The following CCSER1 variants were observed in gnomAD, a reference collection of about 807,000 sequenced individuals.
The protein encoded by CCSER1 is serine-rich coiled-coil domain-containing protein 1.
A neutral mutation model predicts 82.0 loss-of-function variants in CCSER1; 41 were observed. The observed-to-expected ratio is 0.50, with a 90% CI of 0.39 to 0.65. The LOEUF (loss-of-function observed/expected upper bound fraction) is 0.65, where lower values mean the gene tolerates loss of function less well. Ranked by LOEUF, CCSER1 falls within the 30% of genes least tolerant of loss-of-function variation. The pLI, the probability that CCSER1 is intolerant of heterozygous loss-of-function variation, is 0.00. For synonymous variants in CCSER1, 414 were observed against 383.9 expected (o/e 1.08, Z -0.92); for missense variants, 1,119 against 1,064.2 (o/e 1.05, Z -0.72).
At chr4:90,608,383 C>T (rs898692553) in intron 5 of CCSER1, among the ~76,000 whole-genome samples, 2 of 152,178 alleles carry the variant, frequency 1.3e-5, no homozygotes, top group African/African-American at 4.8e-5. Flanking sequence ...GCTTTACCTT[C>T]TCCTAAAGGG....
chr4:90,643,284 G>A (rs1332135190), intron 6 of CCSER1, among the ~76,000 whole-genome samples: 1 of 152,176 alleles, frequency 6.6e-6, no homozygotes, highest in Non-Finnish European at 1.5e-5. Flanking sequence ...GAATGAATGT[G>A]TGTTGCTAGT....
At chr4:90,690,187 G>T (rs1434151216) in intron 6 of CCSER1, among the ~76,000 whole-genome samples, 2 of 151,982 alleles carry the variant, frequency 1.3e-5, no homozygotes, top group South Asian at 4.1e-4. Context: ...AAAAATATGA[G>T]TGTGATACGT....
At chr4:90,946,639 A>AAGAG (rs370849265) in intron 9 of CCSER1, among the ~76,000 whole-genome samples, 6,919 of 148,670 alleles carry the variant, frequency 0.047, 327 homozygotes, top group East Asian at 0.2. Flanking sequence ...AAAAAAAAAA[A>AAGAG]AGAGATTATA....
intron 6 of CCSER1, among the ~76,000 whole-genome samples, chr4:90,650,044 G>A (rs1482519756): frequency 6.6e-6 from 1 of 151,976 alleles, no homozygotes; most frequent in Non-Finnish European, 1.5e-5. Context: ...GTGAAACCCC[G>A]TGTCTACTAA....
chr4:90,614,102 TCA>T (rs1720761339), intron 5 of CCSER1, among the ~76,000 whole-genome samples: 1 of 152,136 alleles, frequency 6.6e-6, no homozygotes, highest in Non-Finnish European at 1.5e-5. Context: ...AATTTGGTAT[TCA>T]CACAAGATTT....
At chr4:91,123,797 A>AT (rs1727285087) in intron 10 of CCSER1, among the ~76,000 whole-genome samples, 1 of 151,730 alleles carries the variant, frequency 6.6e-6, no homozygotes, top group Admixed American at 6.6e-5. Flanking sequence ...AAAAAGAATA[A>AT]TTTTTTTCTG....
intron 9 of CCSER1, among the ~76,000 whole-genome samples, chr4:90,975,717 A>T (rs540474610): frequency 1.3e-5 from 2 of 151,286 alleles, no homozygotes; most frequent in Non-Finnish European, 3.0e-5. Context: ...CTATGTAAGG[A>T]TATTGCAACA....
Position 90,321,213 on chromosome 4 carries a change from C to A in CCSER1, c.1509+8166C>A, listed in dbSNP as rs185035025. 8.8e-3 allele frequency among the ~76,000 whole-genome samples: 1,342 copies of A among 152,212 alleles called. 18 individuals are homozygous for A. The highest frequency in any genetic ancestry group is 0.065 in the Middle Eastern group (19 of 294). ...ATACATTAATGTCCCCCCAACCCTC[C>A]AACTCTTTCCAGCTCCTGTTACCCA... On this transcript the variant is annotated intron_variant, in intron 3 of 10. Transcript: ENST00000509176.
chr4:91,023,811 T>C lies in CCSER1; in HGVS notation c.2173-62139T>C, dbSNP rs576890341. ...ACAAAAGCCAAAATTGACAAATATA[T>C]TGAAACATTTAATGCCATGTTTCTC... On this transcript the variant is annotated intron_variant, in intron 9 of 10. Coordinates refer to ENST00000509176, the MANE Select transcript of CCSER1 (RefSeq NM_001145065.2). 3.9e-5 allele frequency among the ~76,000 whole-genome samples: 6 copies of C among 152,316 alleles called. No individual in the cohort carries two copies. In the East Asian group the frequency reaches 1.2e-3, roughly 29 times the overall value.
At chr4:90,920,257 T>C (rs574892006) in intron 8 of CCSER1, among the ~76,000 whole-genome samples, 5,954 of 121,294 alleles carry the variant, frequency 0.049, 359 homozygotes, top group African/African-American at 0.2. Context: ...GAAGGATGTA[T>C]TTAAATAAGT....
At chr4:91,319,920 A>G (rs6816883) in intron 10 of CCSER1, among the ~76,000 whole-genome samples, 106,005 of 151,936 alleles carry the variant, frequency 0.7, 37,233 homozygotes, top group African/African-American at 0.76. Context: ...AATTCCAGAA[A>G]CAAACCAATC....
intron 1 of CCSER1, among the ~76,000 whole-genome samples, chr4:90,158,495 G>A (rs962843236): frequency 5.3e-5 from 8 of 152,198 alleles, no homozygotes; most frequent in East Asian, 1.9e-4. Flanking sequence ...AGCCTACAGA[G>A]GCAGGCAGGC....
At chr4:90,293,941 G>A (rs187963335) in intron 1 of CCSER1, among the ~76,000 whole-genome samples, 6 of 151,866 alleles carry the variant, frequency 4.0e-5, no homozygotes, top group Admixed American at 2.0e-4. Flanking sequence ...AATCTATTGT[G>A]GTTTATTGTT....
At chr4:90,410,636 A>G (rs1038776968) in intron 4 of CCSER1, among the ~76,000 whole-genome samples, 6 of 152,194 alleles carry the variant, frequency 3.9e-5, no homozygotes, top group African/African-American at 1.4e-4. Context: ...AGCAGTGTGT[A>G]GAGGGAAATT....
intron 10 of CCSER1, among the ~76,000 whole-genome samples, chr4:91,270,682 C>A (rs1006917535): frequency 2.6e-5 from 4 of 152,076 alleles, no homozygotes; most frequent in African/African-American, 9.7e-5. Flanking sequence ...GATGCAGAGG[C>A]CAAAAGAATT....
rs1270489407 is a variant in CCSER1, at chr4:90,245,485, G to T, written c.-41-62759G>T. Among the ~76,000 whole-genome samples, 3 of 152,196 alleles carry T rather than the reference G, an allele frequency of 2.0e-5. No homozygotes were observed. The East Asian group carries it at 5.8e-4, about 29-fold the overall frequency. The stretch of plus-strand genomic sequence containing the variant: ...GGTCAGGAAAAAGACATTATTGTTG[G>T]GTTGGACTTATCGCATGCTCTTATA... On this transcript the variant is annotated intron_variant, in intron 1 of 10. Coordinates refer to ENST00000509176, the MANE Select transcript of CCSER1 (RefSeq NM_001145065.2).
chr4:91,451,091 A>T (rs1755847859), intron 10 of CCSER1, among the ~76,000 whole-genome samples: 1 of 115,180 alleles, frequency 8.7e-6, no homozygotes, highest in Admixed American at 9.0e-5. Flanking sequence ...TAGTTCAAAG[A>T]TGGTACCTTC....
chr4:91,459,720 A>T (rs1291483605), intron 10 of CCSER1, among the ~76,000 whole-genome samples: 2 of 152,180 alleles, frequency 1.3e-5, no homozygotes, highest in African/African-American at 2.4e-5. Flanking sequence ...ACCAGAGAGT[A>T]AATCTTGCTC....
chr4:91,357,719 T>G (rs114501309), intron 10 of CCSER1, among the ~76,000 whole-genome samples: 2,987 of 152,130 alleles, frequency 0.02, 91 homozygotes, highest in African/African-American at 0.066. Flanking sequence ...ATACAATTTT[T>G]ATAACATTTT....
Sources: gnomAD v4.1 joint callset for allele counts (sites outside exome capture counted in the v4.1 genomes callset) on GRCh38, gnomAD v4.1.1 for gene constraint, MANE v1.5 for transcripts, NCBI Gene and HGNC (gene_info 2026-07-23, HGNC 2026-07-21) for gene names.